RNASE10: variants seen among roughly 807,000 people sequenced by gnomAD.
RNASE10 encodes ribonuclease A family member 10 (inactive).
Under a neutral mutation model 1.1 loss-of-function variants are expected in RNASE10, and 2 were observed. The observed-to-expected ratio is 1.82, with a 90% confidence interval of 0.74 to 5.73. RNASE10 has a LOEUF of 5.73. Among genes scored for constraint, RNASE10 ranks in the 30% most tolerant of loss-of-function variants. The pLI is 0.05. For synonymous variants in RNASE10, 97 were observed against 96.2 expected (o/e 1.01, Z -0.05); for missense variants, 276 against 263.4 (o/e 1.05, Z -0.33).
downstream of RNASE10, among the ~76,000 whole-genome samples, chr14:20,511,435 G>A (rs539072913): frequency 9.8e-5 from 15 of 152,294 alleles, no homozygotes; most frequent in South Asian, 2.7e-3. Flanking sequence ...GTCTCTGGAT[G>A]TGGACTGGAA....
At chr14:20,512,165 A>G (rs554375111), downstream of RNASE10, among the ~76,000 whole-genome samples, 1 of 152,280 alleles carries the variant, frequency 6.6e-6, no homozygotes, top group African/African-American at 2.4e-5. Context: ...GGGATGGGAG[A>G]CAGTCTTTTT....
chr14:20,506,763 G>A (rs1594439849), intron 1 of RNASE10, among the ~76,000 whole-genome samples: 2 of 88,040 alleles, frequency 2.3e-5, no homozygotes, highest in Non-Finnish European at 4.9e-5. Flanking sequence ...GGAGGGAGGT[G>A]GGGGGGGTCA....
intron 1 of RNASE10, among the ~76,000 whole-genome samples, chr14:20,506,745 C>T (rs1172163656): frequency 9.7e-5 from 13 of 134,444 alleles, no homozygotes; most frequent in Non-Finnish European, 1.6e-4. Context: ...GGCCAGCCGC[C>T]CCGTCCGGGA....
At chr14:20,508,740 C>A (rs900277078) in intron 1 of RNASE10, among the ~76,000 whole-genome samples, 5 of 151,920 alleles carry the variant, frequency 3.3e-5, no homozygotes, top group Non-Finnish European at 7.4e-5. Flanking sequence ...AAATTTTGAA[C>A]AGTATATTGT....
Position 20,510,811 on chromosome 14 carries a change from C to T in RNASE10, c.424C>T (p.Gln142Ter), listed in dbSNP as rs757933548. 2.5e-6 allele frequency: 4 copies of T among 1,614,138 alleles called. No homozygotes were observed. The East Asian group carries it at 8.9e-5, about 36-fold the overall frequency. Residue 142 changes from glutamine to a stop codon, truncating the protein, a stop_gained, in exon 2 of 2, where the codon CAG (glutamine) becomes TAG (stop). Coordinates refer to ENST00000430083, the Ensembl canonical transcript of RNASE10. LOFTEE classifies it low-confidence loss of function (END_TRUNC). ...CAACAAAGACTATCTTAGGCTTGAC[C>T]AGACAGATAGAGAATGCAATGATAT...
downstream of RNASE10, among the ~76,000 whole-genome samples, chr14:20,511,553 G>A (rs113547828): frequency 7.2e-5 from 11 of 152,288 alleles, 2 homozygotes; most frequent in African/African-American, 2.4e-4. Context: ...CTCTATTGCG[G>A]ATGAAGTTAA....
At chr14:20,507,634 AT>A (rs1057215403) in intron 1 of RNASE10, among the ~76,000 whole-genome samples, 2,364 of 83,032 alleles carry the variant, frequency 0.028, 148 homozygotes, top group African/African-American at 0.073. Context: ...AAATAAATAA[AT>A]AAAATTTTCA....
At position 20,510,982 on chromosome 14, in the gene RNASE10, C is replaced by CG; in HGVS notation, c.596dup (p.Pro200ThrfsTer3). 6.2e-7 allele frequency: 1 copy of CG among 1,601,858 alleles called. No homozygotes were observed. Among genetic ancestry groups the CG allele is most frequent in the Non-Finnish European group, 8.5e-7 (1 of 1,171,732 alleles). ...GGGGGGAAAATGTCACAAAAGCTCCCGACCTTTTGATTTGACATTGTGCGA... is the reference window on the plus strand; with the variant it reads ...GGGGGGAAAATGTCACAAAAGCTCCCGGACCTTTTGATTTGACATTGTGCGA... On this transcript the variant is annotated frameshift_variant, in exon 2 of 2. Coordinates refer to ENST00000430083, the Ensembl canonical transcript of RNASE10. LOFTEE classifies it low-confidence loss of function (END_TRUNC).
At chr14:20,510,547 G>A (rs1449195855) in exon 2 of RNASE10, 11 of 1,614,136 alleles carry the variant, frequency 6.8e-6, no homozygotes, top group Non-Finnish European at 9.3e-6. Context: ...CCTGGGGTTG[G>A]GACTTCATAT....
upstream of RNASE10, among the ~76,000 whole-genome samples, chr14:20,505,257 G>GCCCTCTCCC (rs1566535764): frequency 2.1e-5 from 2 of 96,864 alleles, no homozygotes; most frequent in African/African-American, 8.5e-5. Context: ...GAAAAAGTGA[G>GCCCTCTCCC]TTTGCTCCCT....
chr14:20,504,238 T>C (rs953950575), upstream of RNASE10, among the ~76,000 whole-genome samples: 3 of 152,076 alleles, frequency 2.0e-5, no homozygotes, highest in Admixed American at 1.3e-4. Flanking sequence ...AAGATAACCA[T>C]TTTTCTTCAG....
At chr14:20,512,559 C>T (rs1230029728), downstream of RNASE10, among the ~76,000 whole-genome samples, 1 of 152,186 alleles carries the variant, frequency 6.6e-6, no homozygotes, top group Non-Finnish European at 1.5e-5. Flanking sequence ...CTTGCATTTT[C>T]CTGTTCTTTC....
upstream of RNASE10, among the ~76,000 whole-genome samples, chr14:20,504,632 G>A (rs1400533245): frequency 7.0e-6 from 1 of 141,942 alleles, no homozygotes; most frequent in African/African-American, 2.7e-5. Context: ...AGCTTGCAGT[G>A]AGCCGAGATC....
At chr14:20,510,544 T>A in exon 2 of RNASE10, 1 of 1,614,020 alleles carries the variant, frequency 6.2e-7, no homozygotes, top group Non-Finnish European at 8.5e-7. Context: ...GGGCCTGGGG[T>A]TGGGACTTCA....
intron 1 of RNASE10, 110 bp from the exon 2 acceptor site, chr14:20,510,357 A>C (rs1882862606): frequency 1.4e-6 from 2 of 1,480,102 alleles, no homozygotes; most frequent in East Asian, 4.5e-5. Context: ...TGTGCAGAAG[A>C]CACAGGAGAC....
At chr14:20,504,687 C>CAAAAAA (rs71112507), upstream of RNASE10, among the ~76,000 whole-genome samples, 37 of 44,532 alleles carry the variant, frequency 8.3e-4, 2 homozygotes, top group African/African-American at 2.6e-3. Context: ...GACTCCGTCT[C>CAAAAAA]AAAAAAAAAA....
intron 1 of RNASE10, among the ~76,000 whole-genome samples, chr14:20,506,441 G>A (rs1374696454): frequency 7.6e-6 from 1 of 131,730 alleles, no homozygotes; most frequent in Non-Finnish European, 1.6e-5. Flanking sequence ...GAGGGGGGAG[G>A]GGGGGTCAGC....
At chr14:20,512,853 G>A (rs1392548800), downstream of RNASE10, among the ~76,000 whole-genome samples, 2 of 152,092 alleles carry the variant, frequency 1.3e-5, no homozygotes, top group Non-Finnish European at 2.9e-5. Context: ...CCCTCTCCGG[G>A]GAAAGAGACA....
chr14:20,505,190 T>C (rs372789858), upstream of RNASE10, among the ~76,000 whole-genome samples: 26 of 147,008 alleles, frequency 1.8e-4, no homozygotes, highest in East Asian at 1.8e-3. Context: ...GATTCACCCA[T>C]GAAACAGTGT....
Sources: gnomAD v4.1 joint callset for allele counts (sites outside exome capture counted in the v4.1 genomes callset) on GRCh38, gnomAD v4.1.1 for gene constraint, MANE v1.5 for transcripts, NCBI Gene and HGNC (gene_info 2026-07-23, HGNC 2026-07-21) for gene names.